The following PDE3A variants were observed in gnomAD, a reference collection of about 807,000 sequenced individuals.
PDE3A encodes the protein cGMP-inhibited 3',5'-cyclic phosphodiesterase 3A.
PDE3A carries 43 observed loss-of-function variants against 98.3 expected under a neutral mutation model. That is an observed-to-expected ratio of 0.44 (90% CI 0.34 to 0.56). The LOEUF is 0.56. Among genes scored for constraint, PDE3A ranks in the 20% least tolerant of loss-of-function variants. PDE3A has a pLI of 0.01. For missense variants in PDE3A, 1,427 were observed against 1,440.7 expected, an observed-to-expected ratio of 0.99 and a Z score of 0.15; for synonymous variants, 663 against 567.9, an observed-to-expected ratio of 1.17 and a Z score of -2.38.
intron 2 of PDE3A, among the ~76,000 whole-genome samples, chr12:20,565,439 C>T (rs990851464): frequency 2.0e-5 from 3 of 151,854 alleles, no homozygotes; most frequent in Non-Finnish European, 2.9e-5. Context: ...TTGATTTTTA[C>T]TTCACTTATA....
intron 5 of PDE3A, among the ~76,000 whole-genome samples, chr12:20,629,251 A>G (rs1178231227): frequency 6.6e-6 from 1 of 152,186 alleles, no homozygotes; most frequent in Non-Finnish European, 1.5e-5. Flanking sequence ...TTTGGCCCAA[A>G]TACCCATACT....
intron 4 of PDE3A, among the ~76,000 whole-genome samples, chr12:20,619,228 G>C (rs1391083534): frequency 1.3e-5 from 2 of 151,872 alleles, no homozygotes; most frequent in Non-Finnish European, 2.9e-5. Context: ...TTAAGAATGT[G>C]ATATGACTAG....
At chr12:20,525,275 T>C (rs1042026083) in intron 1 of PDE3A, among the ~76,000 whole-genome samples, 1 of 152,196 alleles carries the variant, frequency 6.6e-6, no homozygotes, top group African/African-American at 2.4e-5. Context: ...CCAGGAAGTG[T>C]GCTTACAAAA....
chr12:20,672,639 T>G, intron 15 of PDE3A, among the ~76,000 whole-genome samples: 1 of 124,124 alleles, frequency 8.1e-6, no homozygotes. Context: ...GAAAACTGGC[T>G]AGCCATATGT....
chr12:20,671,538 G>T (rs1242320734), intron 15 of PDE3A, among the ~76,000 whole-genome samples: 1 of 150,964 alleles, frequency 6.6e-6, no homozygotes, highest in Non-Finnish European at 1.5e-5. Context: ...TGCAAGGCTG[G>T]TTCAATATAC....
chr12:20,606,310 C>G (rs756522755), intron 2 of PDE3A, among the ~76,000 whole-genome samples: 6 of 152,080 alleles, frequency 3.9e-5, no homozygotes, highest in Non-Finnish European at 7.3e-5. Context: ...TTGGCATAAA[C>G]TCAAACACAG....
intron 1 of PDE3A, among the ~76,000 whole-genome samples, chr12:20,373,768 C>T (rs905166548): frequency 2.0e-5 from 3 of 151,884 alleles, no homozygotes; most frequent in African/African-American, 7.3e-5. Context: ...TCTTAGTTGT[C>T]GAAAGAAGAG....
chr12:20,608,528 A>T (rs1394296215), intron 2 of PDE3A, among the ~76,000 whole-genome samples: 1 of 152,144 alleles, frequency 6.6e-6, no homozygotes, highest in Non-Finnish European at 1.5e-5. Context: ...GTAGCATCAA[A>T]ATACATAATG....
chr12:20,431,378 C>T (rs1944694372), intron 1 of PDE3A, among the ~76,000 whole-genome samples: 1 of 151,980 alleles, frequency 6.6e-6, no homozygotes. Context: ...AAGTTCTCAT[C>T]CTTTGAGAGT....
At chr12:20,657,984 G>T (rs1945081336) in intron 15 of PDE3A, among the ~76,000 whole-genome samples, 1 of 152,012 alleles carries the variant, frequency 6.6e-6, no homozygotes, top group African/African-American at 2.4e-5. Flanking sequence ...TTCAGACAGG[G>T]GTCCTCTGTA....
rs1387561575 is a variant in PDE3A, at chr12:20,368,758, AAGG to A, written c.-521_-519del. On this transcript the variant is annotated 5_prime_UTR_variant, in exon 1 of 16. Transcript: ENST00000359062. ...AGAGTGATAGAAAAAGAGCTGCAGG[AAGG>A]AGGAGAAGGGAGACCTCCATCTGCC... Among the ~76,000 whole-genome samples, 1 of 151,962 alleles carries A rather than the reference AAGG, an allele frequency of 6.6e-6. No individual in the cohort carries two copies. The highest frequency in any genetic ancestry group is 1.5e-5 in the Non-Finnish European group (1 of 67,972).
chr12:20,469,640 C>T (rs190606823), intron 1 of PDE3A, among the ~76,000 whole-genome samples: 3 of 152,110 alleles, frequency 2.0e-5, no homozygotes, highest in Non-Finnish European at 4.4e-5. Flanking sequence ...TTAAAAACAC[C>T]GGAATCTCCC....
At chr12:20,547,287 T>TATC (rs1188709042) in intron 1 of PDE3A, among the ~76,000 whole-genome samples, 5 of 152,192 alleles carry the variant, frequency 3.3e-5, no homozygotes, top group South Asian at 2.1e-4. Context: ...TTTATAGCTT[T>TATC]ATCATCACCT....
chr12:20,437,053 T>TTG (rs57301891), intron 1 of PDE3A, among the ~76,000 whole-genome samples: 56 of 150,020 alleles, frequency 3.7e-4, no homozygotes, highest in African/African-American at 1.3e-3. Flanking sequence ...AAATTTAAGA[T>TTG]TGTGTGTGTG....
intron 1 of PDE3A, among the ~76,000 whole-genome samples, chr12:20,481,860 G>T (rs1295760398): frequency 5.4e-5 from 7 of 129,732 alleles, no homozygotes; most frequent in Non-Finnish European, 7.8e-5. Context: ...CGCCTCCCGT[G>T]TTCACGCCGC....
At chr12:20,540,276 GT>G (rs1345763795) in intron 1 of PDE3A, among the ~76,000 whole-genome samples, 1 of 152,078 alleles carries the variant, frequency 6.6e-6, no homozygotes, top group Non-Finnish European at 1.5e-5. Context: ...AAAAGATCTA[GT>G]TTCTGGTTCT....
chr12:20,461,254 A>AAAAAAAAAAAT (rs1945244996), intron 1 of PDE3A, among the ~76,000 whole-genome samples: 1 of 151,390 alleles, frequency 6.6e-6, no homozygotes. Context: ...AAAAAAAAAA[A>AAAAAAAAAAAT]AAGAGGATCT....
chr12:20,542,217 GA>G (rs1941932574), intron 1 of PDE3A, among the ~76,000 whole-genome samples: 2 of 151,792 alleles, frequency 1.3e-5, no homozygotes, highest in Non-Finnish European at 2.9e-5. Context: ...AGACTTTTTG[GA>G]AAAACGTAAC....
chr12:20,581,987 A>G (rs1030320686), intron 2 of PDE3A, among the ~76,000 whole-genome samples: 1 of 152,160 alleles, frequency 6.6e-6, no homozygotes, highest in African/African-American at 2.4e-5. Flanking sequence ...AGCTCCTTTC[A>G]AAGATTTAAT....
Sources: gnomAD v4.1 joint callset for allele counts (sites outside exome capture counted in the v4.1 genomes callset) on GRCh38, gnomAD v4.1.1 for gene constraint, MANE v1.5 for transcripts, NCBI Gene and HGNC (gene_info 2026-07-23, HGNC 2026-07-21) for gene names.